Variants in SYT14 observed in about 807,000 individuals in gnomAD.
SYT14 encodes the protein synaptotagmin-14.
SYT14 carries 32 observed loss-of-function variants against 74.2 expected under a neutral mutation model. The observed-to-expected ratio is 0.43, with a 90% CI of 0.33 to 0.58. SYT14 has a LOEUF of 0.58. Ranked by LOEUF, SYT14 falls within the 20% of genes least tolerant of loss-of-function variation. The probability of loss-of-function intolerance (pLI) is 0.05; values close to 1 mark genes in which losing one functional copy is unlikely to be tolerated. For synonymous variants in SYT14, 298 were observed against 337.7 expected, an observed-to-expected ratio of 0.88 and a Z score of 1.29; for missense variants, 791 against 981.8, an observed-to-expected ratio of 0.81 and a Z score of 2.60.
chr1:209,977,566 G>A (rs969088098), intron 2 of SYT14, among the ~76,000 whole-genome samples: 6 of 152,118 alleles, frequency 3.9e-5, no homozygotes, highest in East Asian at 1.9e-4. Context: ...AGTTTCTGCC[G>A]AGAGATCAGC....
chr1:209,948,469 T>C (rs2078857481), intron 1 of SYT14, among the ~76,000 whole-genome samples: 1 of 152,242 alleles, frequency 6.6e-6, no homozygotes, highest in Non-Finnish European at 1.5e-5. Context: ...AGGGAAAAGA[T>C]GGTAACTTTG....
intron 2 of SYT14, among the ~76,000 whole-genome samples, chr1:209,986,772 C>T (rs565188639): frequency 3.0e-4 from 45 of 152,162 alleles, no homozygotes; most frequent in African/African-American, 9.9e-4. Flanking sequence ...TACAGGCATG[C>T]GCCACCATGC....
intron 5 of SYT14, among the ~76,000 whole-genome samples, chr1:210,035,482 C>A (rs78658103): frequency 0.027 from 4,051 of 151,896 alleles, 190 homozygotes; most frequent in African/African-American, 0.092. Context: ...GTCATGAATT[C>A]TTTGTCTAGG....
At chr1:210,096,663 T>C (rs2081971862) in intron 6 of SYT14, among the ~76,000 whole-genome samples, 1 of 152,228 alleles carries the variant, frequency 6.6e-6, no homozygotes, top group South Asian at 2.1e-4. Context: ...TTGTTTGCTT[T>C]GTGGGAGAGA....
intron 5 of SYT14, among the ~76,000 whole-genome samples, chr1:210,025,669 G>A (rs969040516): frequency 6.6e-6 from 1 of 152,086 alleles, no homozygotes; most frequent in Non-Finnish European, 1.5e-5. Context: ...GGAGAGACCA[G>A]TGCAAGAGAA....
intron 2 of SYT14, among the ~76,000 whole-genome samples, chr1:209,984,494 T>C (rs566314378): frequency 1.6e-4 from 25 of 152,350 alleles, no homozygotes; most frequent in Admixed American, 9.1e-4. Context: ...TTCTCTCTTA[T>C]CTTTTAAAAA....
intron 2 of SYT14, among the ~76,000 whole-genome samples, chr1:210,000,316 G>A (rs921456633): frequency 1.3e-5 from 2 of 152,144 alleles, no homozygotes; most frequent in African/African-American, 2.4e-5. Flanking sequence ...TGCAAGGGTA[G>A]TAGAGTTGTT....
intron 5 of SYT14, among the ~76,000 whole-genome samples, chr1:210,061,031 C>G (rs1177062186): frequency 6.6e-6 from 1 of 151,978 alleles, no homozygotes; most frequent in African/African-American, 2.4e-5. Flanking sequence ...GAACTAGATT[C>G]TCTGTCTTCA....
chr1:210,110,747 GTTATTC>G (rs2082246446), intron 7 of SYT14, among the ~76,000 whole-genome samples: 2 of 152,202 alleles, frequency 1.3e-5, no homozygotes, highest in South Asian at 2.1e-4. Context: ...ATATTAGATT[GTTATTC>G]TTATTTTTGA....
rs184501496 is a variant in SYT14, at chr1:210,109,484, A to G, written c.2034+9023A>G. On this transcript the variant is annotated intron_variant, in intron 7 of 9. Transcript: ENST00000637265. Reference sequence around the variant, plus strand: ...TCCCAGCTATTCGGGACGCTGAGGCAGGGGAATCACTTGAACCTAGGAGGT... The same window carrying G: ...TCCCAGCTATTCGGGACGCTGAGGCGGGGGAATCACTTGAACCTAGGAGGT... 8.9e-4 allele frequency among the ~76,000 whole-genome samples: 134 copies of G among 151,208 alleles called. 1 individual carries two copies. Among genetic ancestry groups the G allele is most frequent in the African/African-American group, 3.0e-3 (123 of 41,330 alleles).
chr1:210,075,339 TTTG>T (rs1392829020), intron 5 of SYT14, among the ~76,000 whole-genome samples: 1 of 111,210 alleles, frequency 9.0e-6, no homozygotes. Flanking sequence ...GTCTCGAGGG[TTTG>T]TTTTTTTTTT....
intron 2 of SYT14, among the ~76,000 whole-genome samples, chr1:210,006,849 G>A (rs886818490): frequency 6.6e-6 from 1 of 151,686 alleles, no homozygotes; most frequent in African/African-American, 2.4e-5. Context: ...TAGAAAATGT[G>A]TTGGTTTAGT....
intron 2 of SYT14, among the ~76,000 whole-genome samples, chr1:209,957,436 CT>C (rs201947879): frequency 2.0e-5 from 3 of 150,678 alleles, no homozygotes; most frequent in African/African-American, 7.3e-5. Flanking sequence ...TACTTTTTTT[CT>C]TTTTTTTTGA....
At position 210,048,468 on chromosome 1, in the gene SYT14, G is replaced by A. The variant is rs377569670; in HGVS notation, c.1312+27214G>A. Among the ~76,000 whole-genome samples the A allele has an allele frequency of 5.9e-5, 9 of 152,142 alleles. No individual in the cohort carries two copies. The East Asian group carries it at 1.2e-3, about 20-fold the overall frequency. On this transcript the variant is annotated intron_variant, in intron 5 of 9. Transcript: ENST00000637265. ...GCAGACAAGACAAGAGAGCTGCTGC[G>A]GGAAAGTCCCCCTTTTAAAACCATC...
Position 210,161,038 on chromosome 1 carries a change from C to A in SYT14, c.2591C>A (p.Ser864Ter). The A allele has an allele frequency of 6.2e-7, 1 of 1,613,496 alleles. No homozygotes were observed. The highest frequency in any genetic ancestry group is 1.1e-5 in the South Asian group (1 of 91,032). ...TGTAGATGGCATGCGTTGCTAGAGT[C>A]ATGATGAATAGAATAAGCAAGCAGT... The change falls in exon 10 of 10, where the codon TCA becomes TAA. Residue 864 changes from serine to a stop codon, truncating the protein, a stop_gained. Coordinates refer to ENST00000637265, the Ensembl canonical transcript of SYT14. LOFTEE classifies it high-confidence loss of function.
At chr1:210,077,836 A>G (rs911505211) in intron 5 of SYT14, among the ~76,000 whole-genome samples, 1 of 152,190 alleles carries the variant, frequency 6.6e-6, no homozygotes, top group African/African-American at 2.4e-5. Context: ...TTAAATAAAG[A>G]ATTAAATACT....
At chr1:210,051,162 A>G (rs923493580) in intron 5 of SYT14, among the ~76,000 whole-genome samples, 1 of 152,204 alleles carries the variant, frequency 6.6e-6, no homozygotes, top group Non-Finnish European at 1.5e-5. Context: ...TCATGTATGT[A>G]TTAATTTGCT....
intron 2 of SYT14, among the ~76,000 whole-genome samples, chr1:209,986,911 C>A (rs1387018362): frequency 6.6e-6 from 1 of 152,130 alleles, no homozygotes; most frequent in Non-Finnish European, 1.5e-5. Flanking sequence ...CATGAGCCAC[C>A]ATACCCGACC....
At chr1:209,995,275 G>A (rs1383679626) in intron 2 of SYT14, among the ~76,000 whole-genome samples, 4 of 152,062 alleles carry the variant, frequency 2.6e-5, no homozygotes, top group East Asian at 3.9e-4. Context: ...ACCTGTAGGC[G>A]CAAAGGAAAG....
Sources: gnomAD v4.1 joint callset for allele counts (sites outside exome capture counted in the v4.1 genomes callset) on GRCh38, gnomAD v4.1.1 for gene constraint, MANE v1.5 for transcripts, NCBI Gene and HGNC (gene_info 2026-07-23, HGNC 2026-07-21) for gene names.